The following DLGAP2 variants were observed in gnomAD, a reference collection of about 807,000 sequenced individuals.
The protein encoded by DLGAP2 is disks large-associated protein 2.
Under a neutral mutation model 100.3 loss-of-function variants are expected in DLGAP2, and 26 were observed. That is an observed-to-expected ratio of 0.26 (90% CI 0.19 to 0.36). DLGAP2 has a LOEUF of 0.36. Ranked by LOEUF, DLGAP2 falls within the 10% of genes least tolerant of loss-of-function variation. DLGAP2 has a pLI of 1.00. For missense variants in DLGAP2, 1,858 were observed against 1,453.2 expected (o/e 1.28, Z -4.53); for synonymous variants, 886 against 630.1 (o/e 1.41, Z -6.08).
intron 1 of DLGAP2, among the ~76,000 whole-genome samples, chr8:854,030 G>A (rs1049095206): frequency 6.6e-6 from 1 of 152,150 alleles, no homozygotes; most frequent in Non-Finnish European, 1.5e-5. Flanking sequence ...CGCTGTCTCT[G>A]GACCAGGAAA....
At chr8:1,208,632 A>G (rs974904108) in intron 2 of DLGAP2, among the ~76,000 whole-genome samples, 3 of 152,128 alleles carry the variant, frequency 2.0e-5, no homozygotes, top group African/African-American at 4.8e-5. Flanking sequence ...AGCCAGAGCA[A>G]TCAGACAAGA....
chr8:996,193 C>T (rs888468759), intron 2 of DLGAP2, among the ~76,000 whole-genome samples: 1 of 152,212 alleles, frequency 6.6e-6, no homozygotes, highest in African/African-American at 2.4e-5. Context: ...CAGGAACTCT[C>T]TGGCTAGACC....
intron 1 of DLGAP2, among the ~76,000 whole-genome samples, chr8:842,740 T>C (rs374689600): frequency 1.3e-5 from 2 of 152,228 alleles, no homozygotes; most frequent in African/African-American, 4.8e-5. Flanking sequence ...GATTTTCTTC[T>C]TTTTTCAACC....
At chr8:754,992 C>G (rs1313444269) in intron 1 of DLGAP2, among the ~76,000 whole-genome samples, 6 of 152,140 alleles carry the variant, frequency 3.9e-5, no homozygotes, top group Non-Finnish European at 8.8e-5. Context: ...ACAATATGGT[C>G]TTCTAGAAGA....
chr8:789,221 G>C (rs918010377), intron 1 of DLGAP2, among the ~76,000 whole-genome samples: 1 of 152,220 alleles, frequency 6.6e-6, no homozygotes, highest in Non-Finnish European at 1.5e-5. Context: ...GGCAATTTAT[G>C]AAGAAAGGAG....
chr8:1,615,685 A>G (rs1373948842), intron 6 of DLGAP2, among the ~76,000 whole-genome samples: 1 of 151,968 alleles, frequency 6.6e-6, no homozygotes, highest in African/African-American at 2.4e-5. Context: ...CTCACCGGAA[A>G]GATCTTTAAA....
chr8:881,189 A>T (rs901803154), intron 1 of DLGAP2, among the ~76,000 whole-genome samples: 1 of 152,202 alleles, frequency 6.6e-6, no homozygotes, highest in African/African-American at 2.4e-5. Context: ...GCGACCTAGG[A>T]TAGGGATTTT....
intron 3 of DLGAP2, among the ~76,000 whole-genome samples, chr8:1,267,785 G>A (rs996217286): frequency 1.3e-5 from 2 of 151,820 alleles, no homozygotes; most frequent in African/African-American, 4.8e-5. Context: ...TGTCTGTTGG[G>A]GCAGAATGTT....
At chr8:1,431,893 G>A (rs1275369151) in intron 3 of DLGAP2, among the ~76,000 whole-genome samples, 7 of 151,958 alleles carry the variant, frequency 4.6e-5, no homozygotes, top group African/African-American at 1.2e-4. Context: ...AGCCAGCACC[G>A]CTACGGCTGC....
chr8:786,869 T>A (rs1821881288), intron 1 of DLGAP2, among the ~76,000 whole-genome samples: 1 of 151,948 alleles, frequency 6.6e-6, no homozygotes. Context: ...AGGGGTTACC[T>A]GGTGATTTGA....
chr8:1,565,977 C>A, intron 6 of DLGAP2, 83 bp downstream of exon 6: 1 of 1,203,870 alleles, frequency 8.3e-7, no homozygotes, highest in Non-Finnish European at 1.1e-6. Context: ...TCACCGTGAG[C>A]TGAGTGCCAT....
intron 3 of DLGAP2, among the ~76,000 whole-genome samples, chr8:1,309,613 G>A (rs1045806560): frequency 2.6e-5 from 4 of 152,202 alleles, no homozygotes; most frequent in Non-Finnish European, 4.4e-5. Context: ...TAAAAGGACA[G>A]CGGCATTAGC....
At chr8:910,891 C>T (rs1037901365) in intron 2 of DLGAP2, among the ~76,000 whole-genome samples, 10 of 152,082 alleles carry the variant, frequency 6.6e-5, no homozygotes, top group Admixed American at 6.5e-5. Context: ...GCGCGGTGTC[C>T]TGGATGCGCC....
intron 3 of DLGAP2, among the ~76,000 whole-genome samples, chr8:1,374,975 A>G (rs1397472267): frequency 6.6e-6 from 1 of 151,522 alleles, no homozygotes; most frequent in Non-Finnish European, 1.5e-5. Context: ...CTCAAGCCCA[A>G]TACCACAGCC....
intron 1 of DLGAP2, among the ~76,000 whole-genome samples, chr8:756,610 C>G (rs1000589333): frequency 6.6e-6 from 1 of 152,024 alleles, no homozygotes; most frequent in Admixed American, 6.6e-5. Context: ...CAGGACAGAA[C>G]TCTGTTGAGT....
intron 1 of DLGAP2, among the ~76,000 whole-genome samples, chr8:904,799 T>C (rs1798341453): frequency 6.6e-6 from 1 of 152,258 alleles, no homozygotes; most frequent in South Asian, 2.1e-4. Flanking sequence ...TCTCAGCTGC[T>C]AAACGCTGCT....
At chr8:1,251,133 G>C (rs994597145) in intron 2 of DLGAP2, among the ~76,000 whole-genome samples, 1 of 152,106 alleles carries the variant, frequency 6.6e-6, no homozygotes, top group Non-Finnish European at 1.5e-5. Flanking sequence ...TCCCTAACCC[G>C]TGCAACAAGC....
rs149081291 is a variant in DLGAP2, at chr8:1,332,735, C to G, written c.106+73852C>G. Among the ~76,000 whole-genome samples, 50 of 152,314 alleles carry G rather than the reference C, an allele frequency of 3.3e-4. 1 individual carries two copies. Among genetic ancestry groups the G allele is most frequent in the Admixed American group, 1.4e-3 (21 of 15,306 alleles). On this transcript the variant is annotated intron_variant, in intron 3 of 14. Coordinates refer to ENST00000637795, the MANE Select transcript of DLGAP2 (RefSeq NM_001346810.2). The stretch of plus-strand genomic sequence containing the variant: ...GTCACTGGTGAGCTCAGCCTCACCT[C>G]TCACGCCCCAGACCTGGAAAAGCCA...
At chr8:1,568,700 C>T (rs1162211572) in intron 6 of DLGAP2, among the ~76,000 whole-genome samples, 1 of 142,044 alleles carries the variant, frequency 7.0e-6, no homozygotes. Flanking sequence ...GCCCGTGGCC[C>T]CCATGCCACT....
Sources: allele counts gnomAD v4.1 joint callset (sites outside exome capture counted in the v4.1 genomes callset), GRCh38; gene constraint gnomAD v4.1.1; transcripts MANE v1.5; gene names NCBI Gene and HGNC (gene_info 2026-07-23, HGNC 2026-07-21).